The following FMN1 variants were observed in gnomAD, a reference collection of about 807,000 sequenced individuals.
FMN1 encodes formin-1.
Under a neutral mutation model 132.4 loss-of-function variants are expected in FMN1, and 110 were observed. The observed-to-expected ratio is 0.83, with a 90% CI of 0.71 to 0.97. The LOEUF is 0.97. Ranked by LOEUF, FMN1 falls within the 50% of genes least tolerant of loss-of-function variation. FMN1 has a pLI of 0.00. For synonymous variants in FMN1, 722 were observed against 651.7 expected (o/e 1.11, Z -1.64); for missense variants, 1,792 against 1,705.3 (o/e 1.05, Z -0.90).
chr15:33,128,734 G>T (rs139622003), intron 4 of FMN1, among the ~76,000 whole-genome samples: 1 of 152,194 alleles, frequency 6.6e-6, no homozygotes, highest in African/African-American at 2.4e-5. Flanking sequence ...AGCTCTTAAA[G>T]GTGATGTGGT....
intron 16 of FMN1, among the ~76,000 whole-genome samples, chr15:32,886,614 A>AG (rs1477065617): frequency 6.6e-6 from 1 of 152,212 alleles, no homozygotes; most frequent in Non-Finnish European, 1.5e-5. Flanking sequence ...TGGAAGGAGA[A>AG]GGGAAAAGAT....
At position 33,057,715 on chromosome 15, in the gene FMN1, A is replaced by G. The variant is rs76031051; in HGVS notation, c.2161+7242T>C. Among the ~76,000 whole-genome samples, 1,421 of 152,164 alleles carry G rather than the reference A, an allele frequency of 9.3e-3. 5 individuals carry two copies. Among genetic ancestry groups the G allele is most frequent in the Non-Finnish European group, 0.015 (1,004 of 68,008 alleles). On this transcript the variant is annotated intron_variant, in intron 6 of 20. Transcript: ENST00000616417. ...TCTGAAATCATTTTCTACCTTTCTC[A>G]TCTCATGTTCTCACCCCTTCATCAA...
intron 10 of FMN1, among the ~76,000 whole-genome samples, chr15:32,914,560 C>G (rs1007639879): frequency 3.9e-5 from 6 of 152,116 alleles, no homozygotes; most frequent in Admixed American, 3.9e-4. Context: ...CAGGAGAGAG[C>G]TGTTGAGCAG....
intron 6 of FMN1, among the ~76,000 whole-genome samples, chr15:33,011,289 C>T (rs1338082125): frequency 6.6e-6 from 1 of 152,070 alleles, no homozygotes; most frequent in Non-Finnish European, 1.5e-5. Flanking sequence ...AGAAATAGCA[C>T]TGAAGATCAT....
At chr15:32,857,236 T>C in intron 16 of FMN1, 129 bp from the exon 17 acceptor site, 2 of 698,152 alleles carry the variant, frequency 2.9e-6, no homozygotes, top group Admixed American at 2.5e-5. Flanking sequence ...TTGGTCCAAA[T>C]TCCAGGATTG....
chr15:33,113,419 T>A (rs116917141), intron 4 of FMN1, among the ~76,000 whole-genome samples: 27,524 of 151,082 alleles, frequency 0.18, 2,798 homozygotes, highest in Middle Eastern at 0.26. Context: ...TTTCTTTCTT[T>A]ACAAAATTTT....
chr15:33,151,811 G>A (rs1964451342), intron 4 of FMN1, among the ~76,000 whole-genome samples: 5 of 152,052 alleles, frequency 3.3e-5, no homozygotes, highest in Admixed American at 1.3e-4. Context: ...TAAAATCTAC[G>A]ATTCTGTGAC....
rs1415545625 is a variant in FMN1, at chr15:33,137,403, T to C, written c.1867+15645A>G. 2.0e-5 allele frequency among the ~76,000 whole-genome samples: 3 copies of C among 152,198 alleles called. No individual in the cohort carries two copies. In the East Asian group the frequency reaches 5.8e-4, roughly 29 times the overall value. ...TTTAGAAGCATTCCAGAGTTCCCTC[T>C]GCCTACCTTGAATGAGAAGGGTAGC... On this transcript the variant is annotated intron_variant, in intron 4 of 20. Transcript: ENST00000616417.
chr15:33,131,638 T>C (rs1008247614), intron 4 of FMN1, among the ~76,000 whole-genome samples: 1 of 152,178 alleles, frequency 6.6e-6, no homozygotes, highest in East Asian at 1.9e-4. Context: ...GTGAGTTTCA[T>C]GCAGAGAGAT....
chr15:32,865,264 G>C (rs1164844870), intron 16 of FMN1, among the ~76,000 whole-genome samples: 1 of 152,168 alleles, frequency 6.6e-6, no homozygotes, highest in Non-Finnish European at 1.5e-5. Context: ...TGAATTATGT[G>C]GAATGTGATT....
intron 4 of FMN1, among the ~76,000 whole-genome samples, chr15:33,104,585 A>C (rs913364191): frequency 6.6e-6 from 1 of 152,052 alleles, no homozygotes; most frequent in African/African-American, 2.4e-5. Context: ...AGCGCCAGTC[A>C]CTGAGAACTC....
Position 32,786,274 on chromosome 15 carries a change from A to G in FMN1, c.4131-9355T>C, listed in dbSNP as rs186950253. ...AAAAACACATTTTTACCACTGGCTCAGTCAATTCTGGCCTATGGTCCTTTG... is the reference window on the plus strand; with the variant it reads ...AAAAACACATTTTTACCACTGGCTCGGTCAATTCTGGCCTATGGTCCTTTG... On this transcript the variant is annotated intron_variant, in intron 19 of 20. Coordinates refer to ENST00000616417, the MANE Select transcript of FMN1 (RefSeq NM_001277313.2). Among the ~76,000 whole-genome samples, 13 of 152,342 alleles carry G rather than the reference A, an allele frequency of 8.5e-5. No homozygotes were observed. In the East Asian group the frequency reaches 2.5e-3, roughly 29 times the overall value.
intron 17 of FMN1, among the ~76,000 whole-genome samples, chr15:32,852,532 C>A (rs1160408747): frequency 6.6e-6 from 1 of 152,088 alleles, no homozygotes; most frequent in South Asian, 2.1e-4. Context: ...GGCGCCACCA[C>A]TTTCAACTAA....
intron 4 of FMN1, among the ~76,000 whole-genome samples, chr15:33,119,520 AG>A (rs1962350943): frequency 1.3e-5 from 2 of 152,226 alleles, no homozygotes; most frequent in Admixed American, 1.3e-4. Flanking sequence ...CCGTACGCTC[AG>A]TGGGCCAGAC....
chr15:33,008,204 G>T, intron 6 of FMN1, 129 bp from the exon 7 acceptor site: 1 of 722,522 alleles, frequency 1.4e-6, no homozygotes, highest in Non-Finnish European at 2.3e-6. Flanking sequence ...TACAAGAGAT[G>T]TTAAAAATTA....
chr15:32,870,587 C>G lies in FMN1; in HGVS notation c.3836-13480G>C, dbSNP rs184653645. ...CTTTGCACGGAATTGTCTAAAGCAC[C>G]ATTCAAAGGTCCCGCCTACCAAACG... is the stretch of plus-strand genomic sequence containing the variant. On this transcript the variant is annotated intron_variant, in intron 16 of 20. Transcript: ENST00000616417. Among the ~76,000 whole-genome samples, 209 of 152,306 alleles carry G rather than the reference C, an allele frequency of 1.4e-3. 2 individuals carry two copies. Among genetic ancestry groups the G allele is most frequent in the African/African-American group, 4.4e-3 (184 of 41,564 alleles).
intron 6 of FMN1, 25 bp downstream of exon 6, chr15:33,064,932 G>T (rs201304998): frequency 2.0e-6 from 3 of 1,516,860 alleles, no homozygotes; most frequent in South Asian, 1.2e-5. Flanking sequence ...TTCATTCCCG[G>T]GTCCCTAGCT....
chr15:33,080,981 T>C lies in FMN1; in HGVS notation c.2043+7818A>G, dbSNP rs569416513. ...CCGGAGCTTGCTTCAAGGCTGCAGTTGAGCCCAAGATGATGAGATGATGCA... is the reference window on the plus strand; with the variant it reads ...CCGGAGCTTGCTTCAAGGCTGCAGTCGAGCCCAAGATGATGAGATGATGCA... On this transcript the variant is annotated intron_variant, in intron 5 of 20. Transcript: ENST00000616417. Among the ~76,000 whole-genome samples the C allele has an allele frequency of 1.2e-4, 19 of 152,166 alleles. No homozygotes were observed. In the East Asian group the frequency reaches 3.3e-3, roughly 26 times the overall value.
intron 4 of FMN1, among the ~76,000 whole-genome samples, chr15:33,115,543 C>T (rs534643830): frequency 1.3e-3 from 189 of 151,190 alleles, no homozygotes; most frequent in African/African-American, 4.5e-3. Context: ...GTCTTGCCAG[C>T]CTCCCTCACA....
Sources: gnomAD v4.1 joint callset for allele counts (sites outside exome capture counted in the v4.1 genomes callset) on GRCh38, gnomAD v4.1.1 for gene constraint, MANE v1.5 for transcripts, NCBI Gene and HGNC (gene_info 2026-07-23, HGNC 2026-07-21) for gene names.